MICAL3: variants seen among roughly 807,000 people sequenced by gnomAD.
MICAL3 encodes microtubule associated monooxygenase, calponin and LIM domain containing 3, also known as [F-actin]-monooxygenase MICAL3.
MICAL3 carries 62 observed loss-of-function variants against 207.4 expected under a neutral mutation model. That is an observed-to-expected ratio of 0.30 (90% CI 0.24 to 0.37). MICAL3 has a LOEUF of 0.37. MICAL3 is among the 10% of genes least tolerant of loss of function. MICAL3 has a pLI of 1.00. For missense variants in MICAL3, 2,368 were observed against 2,635.6 expected, an observed-to-expected ratio of 0.90 and a Z score of 2.22; for synonymous variants, 1,077 against 1,069.3, an observed-to-expected ratio of 1.01 and a Z score of -0.14.
intron 1 of MICAL3, among the ~76,000 whole-genome samples, chr22:17,935,722 C>A (rs1569138691): frequency 6.6e-6 from 1 of 152,118 alleles, no homozygotes; most frequent in African/African-American, 2.4e-5. Flanking sequence ...AGAACTCAAA[C>A]AAATTTACAA....
chr22:18,017,706 C>T (rs1182565349), intron 1 of MICAL3, among the ~76,000 whole-genome samples: 1 of 151,692 alleles, frequency 6.6e-6, no homozygotes, highest in Non-Finnish European at 1.5e-5. Flanking sequence ...CTGCCTCTGC[C>T]TCCCGAGTAG....
In MICAL3 at chr22:17,821,935, C is replaced by T; in HGVS notation, c.3448+95G>A. ...TCGGAGGCTGGTGTGCACCATGGCT[C>T]TGCTCTGAAGCGCCTGGCCCCTGAG... On this transcript the variant is annotated intron_variant, in intron 24 of 31. Transcript: ENST00000441493. The T allele has an allele frequency of 2.7e-6, 4 of 1,491,472 alleles. No individual in the cohort carries two copies. In the Admixed American group the frequency reaches 7.3e-5, roughly 27 times the overall value. The allele number at this position is 1,491,472 out of a possible 1,614,324, so 92.4% of individuals were successfully genotyped here.
chr22:17,955,874 C>T (rs1178798068), intron 1 of MICAL3, among the ~76,000 whole-genome samples: 2 of 152,180 alleles, frequency 1.3e-5, no homozygotes, highest in Non-Finnish European at 2.9e-5. Flanking sequence ...TGAGAGATCT[C>T]CGACTCCCCA....
chr22:17,792,196 A>T (rs1050010950), intron 29 of MICAL3, among the ~76,000 whole-genome samples: 2 of 152,222 alleles, frequency 1.3e-5, no homozygotes, highest in Non-Finnish European at 2.9e-5. Flanking sequence ...TGGAGCACAG[A>T]AGTTCATGGC....
chr22:18,005,361 A>C (rs572309274), intron 1 of MICAL3: 6 of 152,312 alleles, frequency 3.9e-5, no homozygotes, highest in Middle Eastern at 3.4e-3. Flanking sequence ...CAGCTCAGAG[A>C]GCATGACCGT....
At chr22:17,887,958 G>C (rs1930077134) in intron 13 of MICAL3, among the ~76,000 whole-genome samples, 2 of 152,164 alleles carry the variant, frequency 1.3e-5, no homozygotes, top group South Asian at 4.1e-4. Flanking sequence ...TGGCTAACCA[G>C]GAAAAGCCAC....
intron 10 of MICAL3, among the ~76,000 whole-genome samples, chr22:17,894,163 A>G (rs753521044): frequency 2.6e-5 from 4 of 152,112 alleles, no homozygotes; most frequent in Non-Finnish European, 5.9e-5. Context: ...TATAATCCCT[A>G]TAGTTGGGGA....
Position 17,901,001 on chromosome 22 carries a change from G to C in MICAL3, c.692-4C>G, listed in dbSNP as rs768661813. 3.7e-6 allele frequency: 6 copies of C among 1,613,936 alleles called. No homozygotes were observed. In the Admixed American group the frequency reaches 8.3e-5, roughly 22 times the overall value. On this transcript the variant is annotated splice_region_variant and splice_polypyrimidine_tract_variant and intron_variant, in intron 5 of 31. Transcript: ENST00000441493. ...CGGAATTCTTTCCGACGAAACCCTG[G>C]AGGGAAATAAATTTTCAGAGGTGAT...
At chr22:17,951,763 C>A (rs1934361573) in intron 1 of MICAL3, among the ~76,000 whole-genome samples, 1 of 151,446 alleles carries the variant, frequency 6.6e-6, no homozygotes, top group African/African-American at 2.4e-5. Context: ...GTGGCGCGAT[C>A]TTGGCTCACT....
intron 22 of MICAL3, among the ~76,000 whole-genome samples, chr22:17,824,842 T>C (rs893020031): frequency 6.6e-6 from 1 of 152,202 alleles, no homozygotes; most frequent in Non-Finnish European, 1.5e-5. Context: ...AGACAGTTCA[T>C]CAAACACCAG....
At chr22:18,015,339 G>A (rs1923984933) in intron 1 of MICAL3, among the ~76,000 whole-genome samples, 1 of 150,682 alleles carries the variant, frequency 6.6e-6, no homozygotes, top group South Asian at 2.1e-4. Context: ...AATCTCGAAG[G>A]TTTTATTTGA....
intron 1 of MICAL3, among the ~76,000 whole-genome samples, chr22:18,007,922 CA>C (rs60544257): frequency 5.1e-3 from 192 of 37,742 alleles, no homozygotes; most frequent in Non-Finnish European, 9.0e-3. Flanking sequence ...GACTCCATCT[CA>C]AAAAAAAAAA....
chr22:17,936,412 C>T lies in MICAL3; in HGVS notation c.-74-29526G>A, dbSNP rs1933530859. Among the ~76,000 whole-genome samples, 3 of 152,002 alleles carry T rather than the reference C, an allele frequency of 2.0e-5. No individual in the cohort carries two copies. In the South Asian group the frequency reaches 6.2e-4, roughly 32 times the overall value. On this transcript the variant is annotated intron_variant, in intron 1 of 31. Coordinates refer to ENST00000441493, the MANE Select transcript of MICAL3 (RefSeq NM_015241.3). ...GACACAGGGCGGGGAACACCACACA[C>T]CAGGGCCTGTCGTGGGGTAGGGGAC...
At chr22:17,799,011 C>A (rs2061909047) in intron 29 of MICAL3, among the ~76,000 whole-genome samples, 1 of 152,132 alleles carries the variant, frequency 6.6e-6, no homozygotes, top group South Asian at 2.1e-4. Context: ...TCGGAGACAC[C>A]AAAGAGCTTT....
At position 17,893,922 on chromosome 22, in the gene MICAL3, A is replaced by T. The variant is rs746964343; in HGVS notation, c.1450-18T>A. On this transcript the variant is annotated intron_variant, in intron 10 of 31. Coordinates refer to ENST00000441493, the MANE Select transcript of MICAL3 (RefSeq NM_015241.3). ...TGGCGCACCTGGCAGAAATTTACAA[A>T]GTCAAACAGAAAGAAAATCAAATAT... 110 of 1,517,450 alleles carry T rather than the reference A, an allele frequency of 7.2e-5. 1 individual carries two copies. The highest frequency in any genetic ancestry group is 9.5e-5 in the Non-Finnish European group (106 of 1,115,976). The allele number at this position is 1,517,450 out of a possible 1,614,324, so 94.0% of individuals were successfully genotyped here.
At chr22:17,911,947 A>G (rs1323160166) in intron 1 of MICAL3, among the ~76,000 whole-genome samples, 4 of 96,358 alleles carry the variant, frequency 4.2e-5, no homozygotes, top group Non-Finnish European at 7.5e-5. Flanking sequence ...TTCCTTCAAC[A>G]TAGGCAACTT....
intron 19 of MICAL3, among the ~76,000 whole-genome samples, chr22:17,856,963 G>A (rs563829854): frequency 4.5e-4 from 68 of 152,280 alleles, no homozygotes; most frequent in Middle Eastern, 6.8e-3. Context: ...CTAGTCTCTC[G>A]GTAGTAAAAT....
At position 17,788,736 on chromosome 22, in the gene MICAL3, G is replaced by A. The variant is rs1045397476; in HGVS notation, c.*1996C>T. 1.3e-5 allele frequency: 2 copies of A among 152,362 alleles called. No individual in the cohort carries two copies. Among genetic ancestry groups the A allele is most frequent in the African/African-American group, 2.4e-5 (1 of 41,486 alleles). 9.4% of individuals were successfully genotyped at this position (152,362 alleles called of 1,614,324 possible). A position where few individuals can be genotyped will look rare whatever the true frequency, so the allele number is the denominator to read the frequency against. On this transcript the variant is annotated 3_prime_UTR_variant, in exon 32 of 32. Transcript: ENST00000441493. The stretch of plus-strand genomic sequence containing the variant: ...GCGGCGTTATCTCCCGGATGTGCAT[G>A]GGAGAGAGATGGCAGCTTCTGGACA...
intron 1 of MICAL3, among the ~76,000 whole-genome samples, chr22:17,985,085 C>G (rs28461295): frequency 0.091 from 13,794 of 152,240 alleles, 1,198 homozygotes; most frequent in African/African-American, 0.23. Context: ...CCCAGAGGAG[C>G]TGACATCTGA....
Sources: allele counts gnomAD v4.1 joint callset (sites outside exome capture counted in the v4.1 genomes callset), GRCh38; gene constraint gnomAD v4.1.1; transcripts MANE v1.5; gene names NCBI Gene and HGNC (gene_info 2026-07-23, HGNC 2026-07-21).